The following UPP2 variants were observed in gnomAD, a reference collection of about 807,000 sequenced individuals.
UPP2 encodes the protein UPase 2.
UPP2 carries 23 observed loss-of-function variants against 26.7 expected under a neutral mutation model. The observed-to-expected ratio is 0.86, with a 90% CI of 0.62 to 1.22. The LOEUF is 1.22. Ranked by LOEUF, UPP2 falls within the 50% of genes most tolerant of loss-of-function variation. The pLI is 0.00. For synonymous variants in UPP2, 127 were observed against 141.3 expected (o/e 0.90, Z 0.72); for missense variants, 387 against 396.7 (o/e 0.98, Z 0.21).
intron 2 of UPP2, among the ~76,000 whole-genome samples, chr2:158,113,958 G>A (rs368996162): frequency 2.0e-4 from 31 of 152,204 alleles, no homozygotes; most frequent in East Asian, 1.3e-3. Flanking sequence ...CACTGAGAAC[G>A]TGTCTGGACT....
At chr2:158,124,218 C>T (rs1446939435) in intron 6 of UPP2, among the ~76,000 whole-genome samples, 1 of 152,096 alleles carries the variant, frequency 6.6e-6, no homozygotes, top group Non-Finnish European at 1.5e-5. Flanking sequence ...AAGATACAAA[C>T]AAAATATTCC....
chr2:158,060,816 A>G lies in UPP2; in HGVS notation c.148-41224A>G, dbSNP rs543063533. On this transcript the variant is annotated intron_variant, in intron 3 of 9. Transcript: ENST00000605860. Reference sequence around the variant, plus strand: ...GTGAGGACACAGTGAGAAGGTGGCCATCTACAAGTCAGGAAGAGAGCCCTC... The same window carrying G: ...GTGAGGACACAGTGAGAAGGTGGCCGTCTACAAGTCAGGAAGAGAGCCCTC... Among the ~76,000 whole-genome samples, 26 of 152,326 alleles carry G rather than the reference A, an allele frequency of 1.7e-4. No homozygotes were observed. The South Asian group carries it at 5.4e-3, about 32-fold the overall frequency.
chr2:158,057,851 T>G (rs1682273185), intron 3 of UPP2, among the ~76,000 whole-genome samples: 1 of 152,136 alleles, frequency 6.6e-6, no homozygotes, highest in South Asian at 2.1e-4. Flanking sequence ...TGTTATGAAC[T>G]GAATTGTGTC....
chr2:157,997,810 G>T (rs548109483), intron 2 of UPP2, among the ~76,000 whole-genome samples: 1 of 152,220 alleles, frequency 6.6e-6, no homozygotes, highest in Admixed American at 6.5e-5. Context: ...CTTTGAAAGG[G>T]GATGTTCATT....
intron 3 of UPP2, among the ~76,000 whole-genome samples, chr2:158,090,435 A>T (rs889481559): frequency 2.0e-5 from 3 of 152,138 alleles, no homozygotes; most frequent in Admixed American, 2.0e-4. Flanking sequence ...CGGGAGGCGG[A>T]GCTTGCAGTG....
At chr2:158,063,385 T>C (rs183803821) in intron 3 of UPP2, among the ~76,000 whole-genome samples, 3 of 152,304 alleles carry the variant, frequency 2.0e-5, no homozygotes, top group Admixed American at 2.0e-4. Context: ...TCAAATATTT[T>C]TGAATAAGTA....
At chr2:158,121,036 G>A (rs58951898) in intron 4 of UPP2, among the ~76,000 whole-genome samples, 9 of 151,960 alleles carry the variant, frequency 5.9e-5, no homozygotes, top group East Asian at 1.9e-4. Flanking sequence ...TCAAGAAGTC[G>A]CAGAGAAGAT....
At chr2:158,105,003 AGGGGAGGGGAG>A (rs1558932216) in intron 1 of UPP2, among the ~76,000 whole-genome samples, 111 of 3,364 alleles carry the variant, frequency 0.033, 6 homozygotes, top group South Asian at 0.05. Flanking sequence ...AAGGGAGGGG[AGGGGAGGGGAG>A]GGGAGGGGAG....
In UPP2 at chr2:158,070,103, T is replaced by A. The variant is rs147235237; in HGVS notation, c.148-31937T>A. 2.0e-5 allele frequency among the ~76,000 whole-genome samples: 3 copies of A among 152,302 alleles called. No individual in the cohort carries two copies. The East Asian group carries it at 5.8e-4, about 29-fold the overall frequency. The stretch of plus-strand genomic sequence containing the variant: ...GCTCTAGGGATAGTGGCTCCTTGTA[T>A]CTGCTATTTTTATATTATTTAGCAC... On this transcript the variant is annotated intron_variant, in intron 3 of 9. Transcript: ENST00000605860.
At chr2:158,002,843 A>G (rs957267475) in intron 2 of UPP2, among the ~76,000 whole-genome samples, 1 of 152,210 alleles carries the variant, frequency 6.6e-6, no homozygotes, top group Non-Finnish European at 1.5e-5. Context: ...CCGTTGTGAC[A>G]TTAGTGGTGA....
chr2:158,017,808 G>A (rs1048988026), intron 3 of UPP2, among the ~76,000 whole-genome samples: 4 of 152,184 alleles, frequency 2.6e-5, no homozygotes, highest in African/African-American at 9.7e-5. Flanking sequence ...TCACTGGGTT[G>A]CAATTCTTCG....
At chr2:158,046,706 T>G (rs553047922) in intron 3 of UPP2, among the ~76,000 whole-genome samples, 6 of 152,194 alleles carry the variant, frequency 3.9e-5, no homozygotes, top group African/African-American at 1.4e-4. Flanking sequence ...TCTCCACTTA[T>G]GTAATTCTTA....
chr2:158,068,769 T>C (rs1411809016), intron 3 of UPP2, among the ~76,000 whole-genome samples: 1 of 4,508 alleles, frequency 2.2e-4, no homozygotes. Flanking sequence ...AATTCAAATA[T>C]ATATATATAT....
Position 158,019,102 on chromosome 2 carries a change from G to A in UPP2, c.147+3216G>A, listed in dbSNP as rs553273047. On this transcript the variant is annotated intron_variant, in intron 3 of 9. Coordinates refer to the UPP2 transcript ENST00000605860. The stretch of plus-strand genomic sequence containing the variant: ...AAGCAAGAATGCTATATGTGTCATA[G>A]CCTATAATTTGTGTGAAAACATCAA... Among the ~76,000 whole-genome samples, 11 of 152,314 alleles carry A rather than the reference G, an allele frequency of 7.2e-5. No individual in the cohort carries two copies. The South Asian group carries it at 1.2e-3, about 17-fold the overall frequency.
rs1415691945 is a variant in UPP2, at chr2:158,135,083, T to C, written c.*193T>C. The C allele has an allele frequency of 1.6e-6, 1 of 643,354 alleles. No individual in the cohort carries two copies. 39.9% of individuals were successfully genotyped at this position (643,354 alleles called of 1,614,324 possible). Reference sequence around the variant, plus strand: ...ACTCACACTAAATTAAATTCAAATTTCATTTTAGAATAAGTTAACTAAATC... The same window carrying C: ...ACTCACACTAAATTAAATTCAAATTCCATTTTAGAATAAGTTAACTAAATC... On this transcript the variant is annotated 3_prime_UTR_variant, in exon 7 of 7. Transcript: ENST00000005756.
Position 158,121,392 on chromosome 2 carries a change from T to C in UPP2, c.455-17T>C. The C allele has an allele frequency of 6.2e-7, 1 of 1,601,920 alleles. No individual in the cohort carries two copies. Among genetic ancestry groups the C allele is most frequent in the Non-Finnish European group, 8.6e-7 (1 of 1,168,592 alleles). On this transcript the variant is annotated splice_polypyrimidine_tract_variant and intron_variant, in intron 4 of 6. Coordinates refer to ENST00000005756, the MANE Select transcript of UPP2 (RefSeq NM_173355.4). ...CTAAACGATATTCTTCTGTAATCAT[T>C]TATTCCCACATTGCAGGGATTGCAC...
chr2:158,123,858 A>C lies in UPP2; in HGVS notation c.774A>C (p.Thr258=). The C allele has an allele frequency of 8.1e-6, 13 of 1,614,100 alleles. No homozygotes were observed. The highest frequency in any genetic ancestry group is 1.1e-5 in the Non-Finnish European group (13 of 1,179,940). Residue 258 remains threonine, a synonymous_variant, in exon 6 of 7, where the codon ACA becomes ACC. Transcript: ENST00000005756. ...TCAGGAATATTGAAATGGAATCTAC[A>C]GTGTTTGCAGCTATGTGTGGACTCT... ...AGVRNIEMES[T]VFAAMCGLCG...
At position 158,125,319 on chromosome 2, in the gene UPP2, T is replaced by C. The variant is rs146808349; in HGVS notation, c.811+1424T>C. 4.6e-5 allele frequency among the ~76,000 whole-genome samples: 7 copies of C among 152,346 alleles called. 1 individual carries two copies. In the East Asian group the frequency reaches 1.2e-3, roughly 25 times the overall value. On this transcript the variant is annotated intron_variant, in intron 6 of 6. Coordinates refer to ENST00000005756, the MANE Select transcript of UPP2 (RefSeq NM_173355.4). ...AAAGCTGTAGTTCTAAGGAGATTAA[T>C]TGTTGAACCACTATCCTTAACTACT...
intron 6 of UPP2, among the ~76,000 whole-genome samples, chr2:158,125,764 G>A (rs1683680351): frequency 1.3e-5 from 2 of 152,110 alleles, no homozygotes; most frequent in African/African-American, 2.4e-5. Context: ...TCCTCTTTTA[G>A]AGAACAAGAG....
Sources: gnomAD v4.1 joint callset for allele counts (sites outside exome capture counted in the v4.1 genomes callset) on GRCh38, gnomAD v4.1.1 for gene constraint, MANE v1.5 for transcripts, NCBI Gene and HGNC (gene_info 2026-07-23, HGNC 2026-07-21) for gene names.